Variants in RTN4 observed in about 807,000 individuals in gnomAD.
The protein encoded by RTN4 is reticulon-4.
RTN4 carries 32 observed loss-of-function variants against 90.4 expected under a neutral mutation model. The ratio of observed to expected loss-of-function variants is 0.35; its 90% CI spans 0.27 to 0.48. The LOEUF (loss-of-function observed/expected upper bound fraction) is 0.48. RTN4 is among the 20% of genes least tolerant of loss of function. The probability of loss-of-function intolerance (pLI) is 0.99; values close to 1 mark genes in which losing one functional copy is unlikely to be tolerated. For synonymous variants in RTN4, 629 were observed against 552.5 expected, an observed-to-expected ratio of 1.14 and a Z score of -1.94; for missense variants, 1,706 against 1,430.2, an observed-to-expected ratio of 1.19 and a Z score of -3.11.
the RTN4 span, among the ~76,000 whole-genome samples, chr2:55,128,918 C>G: frequency 6.6e-6 from 1 of 151,446 alleles, no homozygotes; most frequent in Non-Finnish European, 1.5e-5. Flanking sequence ...ACCAGCCTGA[C>G]CAACACGGTG....
chr2:55,044,034 A>G (rs1318740406), intron 1 of RTN4, among the ~76,000 whole-genome samples: 3 of 151,960 alleles, frequency 2.0e-5, no homozygotes, highest in African/African-American at 7.3e-5. Context: ...TATCTGCACG[A>G]AAAACACAAA....
chr2:55,047,159 G>A (rs559925352), intron 1 of RTN4, among the ~76,000 whole-genome samples: 5 of 151,954 alleles, frequency 3.3e-5, no homozygotes, highest in African/African-American at 9.7e-5. Flanking sequence ...GTAAAATCCC[G>A]TCTCTACTAA....
chr2:55,105,979 T>C (rs1667936892), intron 1 of RTN4, among the ~76,000 whole-genome samples: 1 of 152,136 alleles, frequency 6.6e-6, no homozygotes, highest in South Asian at 2.1e-4. Context: ...GACCCCCATC[T>C]CTAAAATAAA....
intron 2 of RTN4, among the ~76,000 whole-genome samples, chr2:55,071,519 T>TATA (rs1668512319): frequency 7.7e-6 from 1 of 129,718 alleles, no homozygotes; most frequent in African/African-American, 2.9e-5. Flanking sequence ...GTGTTGCTGG[T>TATA]ATAGGAGAGG....
In RTN4 at chr2:55,049,900, G is replaced by T; in HGVS notation, c.401C>A (p.Pro134His). The change falls in exon 1 of 9, where the codon CCT becomes CAT. Residue 134 changes from proline to histidine, a missense_variant. Transcript: ENST00000337526. ...CCGGGCCGGAGGCTCGTCGTCCTCA[G>T]GGAGCTTGGAGGGCGAGACTGCGGC... is the stretch of plus-strand genomic sequence containing the variant. ...SAAAVSPSKL[P>H]EDDEPPARPP... 1 of 1,330,488 alleles carries T rather than the reference G, an allele frequency of 7.5e-7. No individual in the cohort carries two copies. Among genetic ancestry groups the T allele is most frequent in the South Asian group, 2.0e-5 (1 of 50,780 alleles). The allele number at this position is 1,330,488 out of a possible 1,614,324, so 82.4% of individuals were successfully genotyped here. A position where few individuals can be genotyped will look rare whatever the true frequency, so the allele number is the denominator to read the frequency against.
chr2:55,050,746 TGA>T (rs1340613438), upstream of RTN4: 1 of 153,154 alleles, frequency 6.5e-6, no homozygotes, highest in African/African-American at 2.4e-5. This position sits in a 1 kb window ranked among gnomAD's most constrained non-coding sequence, Gnocchi z 4.6. Flanking sequence ...TGGGCGGGGC[TGA>T]GAGCTGGGAG....
chr2:55,099,310 C>T (rs1667809564), intron 1 of RTN4, among the ~76,000 whole-genome samples: 1 of 152,038 alleles, frequency 6.6e-6, no homozygotes, highest in Admixed American at 6.6e-5. Context: ...TAGATTTAAA[C>T]ATATTTGAGA....
At chr2:55,034,851 G>A (rs1157107765) in intron 1 of RTN4, among the ~76,000 whole-genome samples, 1 of 152,024 alleles carries the variant, frequency 6.6e-6, no homozygotes, top group Non-Finnish European at 1.5e-5. Context: ...GACAATAAAA[G>A]CACAAAGGAT....
chr2:55,024,801 A>T (rs1158487393), intron 3 of RTN4, among the ~76,000 whole-genome samples: 1 of 152,186 alleles, frequency 6.6e-6, no homozygotes, highest in African/African-American at 2.4e-5. Context: ...AGAAAGAAAG[A>T]AAGAAATAGG....
chr2:55,022,384 T>C (rs1238440215), intron 3 of RTN4, among the ~76,000 whole-genome samples: 1 of 152,190 alleles, frequency 6.6e-6, no homozygotes, highest in African/African-American at 2.4e-5. Context: ...TCAACATCTT[T>C]ACTGAACATT....
chr2:55,104,909 C>T (rs188841071), intron 1 of RTN4, among the ~76,000 whole-genome samples: 3 of 151,946 alleles, frequency 2.0e-5, no homozygotes, highest in African/African-American at 4.8e-5. Flanking sequence ...CGGGCTCAAG[C>T]GATCTCCCCA....
At chr2:55,033,795 T>C (rs556899792) in intron 1 of RTN4, among the ~76,000 whole-genome samples, 1 of 152,254 alleles carries the variant, frequency 6.6e-6, no homozygotes, top group African/African-American at 2.4e-5. Flanking sequence ...ACATATGATA[T>C]TTTGATACCT....
chr2:55,099,407 C>T (rs1229709467), intron 1 of RTN4, among the ~76,000 whole-genome samples: 2 of 152,114 alleles, frequency 1.3e-5, no homozygotes, highest in Admixed American at 1.3e-4. Flanking sequence ...GTTGGTTCTG[C>T]TGTCCTTTTG....
At chr2:55,042,597 A>T (rs1287993496) in intron 1 of RTN4, among the ~76,000 whole-genome samples, 1 of 152,202 alleles carries the variant, frequency 6.6e-6, no homozygotes, top group Non-Finnish European at 1.5e-5. Flanking sequence ...ACAGGTAGAA[A>T]GAGTTACTTT....
chr2:55,026,821 T>C lies in RTN4; in HGVS notation c.1278A>G (p.Ala426=), dbSNP rs1681923397. ...LESKVDKKCF[A]DSLEQTNHEK... is the part of the protein sequence containing the mutation. ...CGTGATTAGTTTGCTCAAGGCTATC[T>C]GCAAAACATTTTTTATCCACTTTAC... Residue 426 remains alanine (A), a synonymous_variant, in exon 3 of 9, where the codon GCA becomes GCG. Coordinates refer to ENST00000337526, the MANE Select transcript of RTN4 (RefSeq NM_020532.5). 1 of 1,613,880 alleles carries C rather than the reference T, an allele frequency of 6.2e-7. No individual in the cohort carries two copies. The highest frequency in any genetic ancestry group is 1.3e-5 in the African/African-American group (1 of 74,924).
At chr2:55,023,539 C>T (rs1006312603) in intron 3 of RTN4, among the ~76,000 whole-genome samples, 7 of 152,092 alleles carry the variant, frequency 4.6e-5, no homozygotes, top group African/African-American at 1.7e-4. Context: ...CGTTCCTTCT[C>T]TCTAACACTA....
intron 1 of RTN4, among the ~76,000 whole-genome samples, chr2:55,041,057 A>G (rs910514732): frequency 1.3e-5 from 2 of 150,966 alleles, no homozygotes; most frequent in African/African-American, 4.9e-5. Flanking sequence ...AGTACAGAGA[A>G]TATTTCTTTC....
In RTN4 at chr2:54,975,346, T is replaced by C. The variant is rs370324190; in HGVS notation, c.3361-582A>G. 1.4e-3 allele frequency among the ~76,000 whole-genome samples: 219 copies of C among 152,330 alleles called. 1 individual carries two copies. The highest frequency in any genetic ancestry group is 2.2e-3 in the Non-Finnish European group (152 of 68,030). ...TCCTTTGCTTTCTAATTCAAGGCCT[T>C]CATGTGTATGTCTGGCAATCACTTT... On this transcript the variant is annotated intron_variant, in intron 5 of 8. Coordinates refer to ENST00000337526, the MANE Select transcript of RTN4 (RefSeq NM_020532.5).
At chr2:55,117,735 T>G in the RTN4 span, among the ~76,000 whole-genome samples, 1 of 152,148 alleles carries the variant, frequency 6.6e-6, no homozygotes, top group Non-Finnish European at 1.5e-5. Flanking sequence ...ATAGGCAAAC[T>G]ACTCTGTGCT....
Sources: allele counts gnomAD v4.1 joint callset (sites outside exome capture counted in the v4.1 genomes callset), GRCh38; gene constraint gnomAD v4.1.1; non-coding constraint Gnocchi (gnomAD v3.1); transcripts MANE v1.5; gene names NCBI Gene and HGNC (gene_info 2026-07-23, HGNC 2026-07-21).